The following EPB41L4B variants were observed in gnomAD, a reference collection of about 807,000 sequenced individuals.
The protein encoded by EPB41L4B is band 4.1-like protein 4B.
Under a neutral mutation model 112.5 loss-of-function variants are expected in EPB41L4B, and 30 were observed. That is an observed-to-expected ratio of 0.27 (90% CI 0.20 to 0.36). The LOEUF (loss-of-function observed/expected upper bound fraction) is 0.36. Among genes scored for constraint, EPB41L4B ranks in the 10% least tolerant of loss-of-function variants. The pLI, the probability that EPB41L4B is intolerant of heterozygous loss-of-function variation, is 1.00. For synonymous variants in EPB41L4B, 408 were observed against 439.7 expected, an observed-to-expected ratio of 0.93 and a Z score of 0.90; for missense variants, 1,024 against 1,133.3, an observed-to-expected ratio of 0.90 and a Z score of 1.38.
chr9:109,181,173 T>C (rs1439879102), intron 24 of EPB41L4B, among the ~76,000 whole-genome samples: 1 of 151,846 alleles, frequency 6.6e-6, no homozygotes, highest in Non-Finnish European at 1.5e-5. Context: ...TTTATTATTA[T>C]TATTATTTTG....
intron 14 of EPB41L4B, among the ~76,000 whole-genome samples, chr9:109,245,621 C>G (rs1049744969): frequency 2.6e-5 from 4 of 152,226 alleles, no homozygotes; most frequent in African/African-American, 9.6e-5. Flanking sequence ...CCAACAGCGT[C>G]CTCATTGAGA....
At chr9:109,313,917 C>T (rs1016229035) in intron 1 of EPB41L4B, among the ~76,000 whole-genome samples, 4 of 152,182 alleles carry the variant, frequency 2.6e-5, no homozygotes, top group Non-Finnish European at 5.9e-5. Context: ...CAGATGAATG[C>T]GCACCCCTAT....
chr9:109,279,763 C>T, intron 2 of EPB41L4B, 54 bp downstream of exon 2: 9 of 1,423,932 alleles, frequency 6.3e-6, no homozygotes, highest in Non-Finnish European at 8.9e-6. Flanking sequence ...TGTGGACGTG[C>T]AATTAGCAAT....
intron 23 of EPB41L4B, among the ~76,000 whole-genome samples, chr9:109,183,901 G>A (rs10816780): frequency 0.1 from 15,514 of 152,308 alleles, 1,114 homozygotes; most frequent in African/African-American, 0.19. Context: ...AATCAGCCAA[G>A]CTTTCCCAAA....
At chr9:109,185,747 C>T in intron 22 of EPB41L4B, 142 bp from the exon 23 acceptor site, 1 of 579,166 alleles carries the variant, frequency 1.7e-6, no homozygotes, top group East Asian at 3.4e-5. Flanking sequence ...TCAAGCCAGC[C>T]TCACCCACAG....
At chr9:109,213,885 G>A (rs1314731357) in intron 16 of EPB41L4B, 67 bp from the exon 17 acceptor site, 2 of 1,447,746 alleles carry the variant, frequency 1.4e-6, no homozygotes, top group East Asian at 2.3e-5. Context: ...GGGGAAAAGG[G>A]ACACTTGCCA....
At chr9:109,209,548 C>T (rs1323494245) in intron 17 of EPB41L4B, among the ~76,000 whole-genome samples, 1 of 151,436 alleles carries the variant, frequency 6.6e-6, no homozygotes, top group Non-Finnish European at 1.5e-5. Flanking sequence ...ATAATTCCAG[C>T]TACTCGGGAG....
chr9:109,253,834 C>T (rs1834883762), intron 11 of EPB41L4B, among the ~76,000 whole-genome samples: 1 of 152,230 alleles, frequency 6.6e-6, no homozygotes, highest in Non-Finnish European at 1.5e-5. Flanking sequence ...TGATACATCT[C>T]ATTAAGAGAA....
At chr9:109,253,010 C>T (rs1340122987) in intron 12 of EPB41L4B, among the ~76,000 whole-genome samples, 3 of 152,038 alleles carry the variant, frequency 2.0e-5, no homozygotes, top group Non-Finnish European at 4.4e-5. Flanking sequence ...GGACTTGAGC[C>T]GAATATCTAA....
In EPB41L4B at chr9:109,267,499, T is replaced by C. The variant is rs1459383556; in HGVS notation, c.507A>G (p.Pro169=). The C allele has an allele frequency of 1.9e-6, 3 of 1,613,704 alleles. No homozygotes were observed. The highest frequency in any genetic ancestry group is 3.3e-5 in the Admixed American group (2 of 59,946). The change falls in exon 4 of 26, where the codon CCA becomes CCG. Residue 169 remains proline, a synonymous_variant. Coordinates refer to ENST00000374566, the MANE Select transcript of EPB41L4B (RefSeq NM_019114.5). The stretch of plus-strand genomic sequence containing the variant: ...TTGTAAACTCCTCACGAAGGTTGTT[T>C]GGTTCTGAAGAATAGTATTTAACTC... ...HFRVKYYSSE[P]NNLREEFTRY... is the part of the protein sequence containing the mutation.
intron 16 of EPB41L4B, among the ~76,000 whole-genome samples, chr9:109,214,594 G>A (rs1304388839): frequency 6.6e-6 from 1 of 152,214 alleles, no homozygotes; most frequent in Non-Finnish European, 1.5e-5. Flanking sequence ...GCTGCTAAGG[G>A]ATGTGTAGGA....
chr9:109,299,363 C>T (rs1199057830), intron 1 of EPB41L4B, among the ~76,000 whole-genome samples: 2 of 152,134 alleles, frequency 1.3e-5, no homozygotes, highest in African/African-American at 2.4e-5. Context: ...GCAGCCTTGA[C>T]TTCCTGGAAT....
chr9:109,309,335 C>T (rs531903403), intron 1 of EPB41L4B, among the ~76,000 whole-genome samples: 114 of 152,310 alleles, frequency 7.5e-4, no homozygotes, highest in Middle Eastern at 6.8e-3. Context: ...CAGCAACCAA[C>T]TTCAGCTCAT....
intron 17 of EPB41L4B, among the ~76,000 whole-genome samples, chr9:109,212,491 G>C (rs1368754927): frequency 1.3e-5 from 2 of 152,116 alleles, no homozygotes; most frequent in East Asian, 3.9e-4. Context: ...GAATGAGCAG[G>C]GCTTTTTGAA....
At chr9:109,192,394 C>T (rs773348500) in intron 21 of EPB41L4B, 39 bp from the exon 22 acceptor site, 4 of 1,492,476 alleles carry the variant, frequency 2.7e-6, no homozygotes, top group Non-Finnish European at 3.7e-6. Context: ...AGAGACGGCA[C>T]TGCATTGATG....
chr9:109,231,505 C>CTAT, intron 15 of EPB41L4B, among the ~76,000 whole-genome samples: 1 of 152,184 alleles, frequency 6.6e-6, no homozygotes, highest in African/African-American at 2.4e-5. Flanking sequence ...AAAAGTTGCA[C>CTAT]TTTTGACATG....
rs113577515 is a variant in EPB41L4B, at chr9:109,228,128, G to C, written c.1410-10983C>G. On this transcript the variant is annotated intron_variant, in intron 15 of 25. Transcript: ENST00000374566. ...CAGTTATCCTTGCCTTATTTCTGAA[G>C]TTTATACATTATCTAGTGTTTCACC... Among the ~76,000 whole-genome samples, 637 of 152,256 alleles carry C rather than the reference G, an allele frequency of 4.2e-3. 5 individuals are homozygous for C. The highest frequency in any genetic ancestry group is 0.014 in the African/African-American group (594 of 41,530).
intron 9 of EPB41L4B, 58 bp downstream of exon 9, chr9:109,256,078 T>C (rs577066941): frequency 1.4e-6 from 2 of 1,472,048 alleles, no homozygotes; most frequent in South Asian, 1.1e-5. Flanking sequence ...ATCCATCACA[T>C]AGAATTCCAC....
At chr9:109,260,007 G>C (rs2119045074) in intron 6 of EPB41L4B, among the ~76,000 whole-genome samples, 1 of 152,282 alleles carries the variant, frequency 6.6e-6, no homozygotes, top group South Asian at 2.1e-4. Context: ...AATGGGGTTG[G>C]GGAGAGGGGG....
Sources: gnomAD v4.1 joint callset for allele counts (sites outside exome capture counted in the v4.1 genomes callset) on GRCh38, gnomAD v4.1.1 for gene constraint, MANE v1.5 for transcripts, NCBI Gene and HGNC (gene_info 2026-07-23, HGNC 2026-07-21) for gene names.